The following HMGA1 variants were observed in gnomAD, a reference collection of about 807,000 sequenced individuals.
HMGA1 encodes high mobility group AT-hook 1.
HMGA1 carries 1 observed loss-of-function variant against 15.1 expected under a neutral mutation model. The ratio of observed to expected loss-of-function variants is 0.07; its 90% CI spans 0.02 to 0.31. HMGA1 has a LOEUF of 0.31. Among genes scored for constraint, HMGA1 ranks in the 10% least tolerant of loss-of-function variants. The pLI is 1.00. For missense variants in HMGA1, 94 were observed against 141.4 expected, an observed-to-expected ratio of 0.66 and a Z score of 1.70; for synonymous variants, 56 against 54.8, an observed-to-expected ratio of 1.02 and a Z score of -0.10.
intron 5 of HMGA1, among the ~76,000 whole-genome samples, chr6:34,244,241 G>A (rs528879503): frequency 6.6e-6 from 1 of 152,246 alleles, no homozygotes; most frequent in East Asian, 1.9e-4. Flanking sequence ...TTGTTTTGGA[G>A]TTTGTGCCTG....
intron 2 of HMGA1, 141 bp from the exon 3 acceptor site, chr6:34,240,596 C>T (rs1561872094): frequency 5.7e-6 from 4 of 701,906 alleles, no homozygotes; most frequent in Non-Finnish European, 7.4e-6. Flanking sequence ...TGGGCAGACC[C>T]CTCCATCCTG....
At chr6:34,242,553 A>T (rs570071461) in intron 3 of HMGA1, among the ~76,000 whole-genome samples, 159 bp from the exon 4 acceptor site, 1 of 152,298 alleles carries the variant, frequency 6.6e-6, no homozygotes, top group East Asian at 1.9e-4. Context: ...AAGATGCTCA[A>T]ACTGGAGCTT....
chr6:34,240,953 T>TTGG (rs1465434862), intron 3 of HMGA1, 38 bp downstream of exon 3: 2 of 1,612,636 alleles, frequency 1.2e-6, no homozygotes, highest in Non-Finnish European at 1.7e-6. Flanking sequence ...GGTTTACCCT[T>TTGG]TGGGGCTAGG....
At position 34,237,912 on chromosome 6, in the gene HMGA1, C is replaced by G. The variant is rs539612749; in HGVS notation, c.-45+595C>G. Among the ~76,000 whole-genome samples, 72 of 152,226 alleles carry G rather than the reference C, an allele frequency of 4.7e-4. No individual in the cohort carries two copies. The Middle Eastern group carries it at 0.014, about 29-fold the overall frequency. ...GCGGGCCTGGGTTTGGGGCTTCACC[C>G]CGACCCCACCTCTGGCCTGGCCCGC... is the stretch of plus-strand genomic sequence containing the variant. On this transcript the variant is annotated intron_variant, in intron 2 of 5. Transcript: ENST00000311487.
intron 3 of HMGA1, among the ~76,000 whole-genome samples, chr6:34,241,826 A>G (rs977839716): frequency 3.3e-5 from 5 of 152,206 alleles, no homozygotes; most frequent in African/African-American, 1.2e-4. Flanking sequence ...CCCTGTCCGT[A>G]CGGTGGAGAG....
chr6:34,240,584 G>A, intron 2 of HMGA1, 153 bp from the exon 3 acceptor site: 1 of 640,324 alleles, frequency 1.6e-6, no homozygotes, highest in Non-Finnish European at 2.8e-6. Flanking sequence ...AGCATCTGGG[G>A]GTGGGCAGAC....
chr6:34,245,856 AGTTGT>A lies in HMGA1; in HGVS notation c.*978_*982del, dbSNP rs1762705635. 6 of 333,030 alleles carry A rather than the reference AGTTGT, an allele frequency of 1.8e-5. No homozygotes were observed. The South Asian group carries it at 2.0e-4, about 11-fold the overall frequency. 20.6% of individuals were successfully genotyped at this position (333,030 alleles called of 1,614,324 possible). On this transcript the variant is annotated 3_prime_UTR_variant, in exon 6 of 6. Transcript: ENST00000311487. Reference sequence around the variant, plus strand: ...CTCTGTTCACAAACTACCTCTGGACAGTTGTGTTGTTTTTTGTTCAATGTTCCATT... The same window carrying A: ...CTCTGTTCACAAACTACCTCTGGACAGTTGTTTTTTGTTCAATGTTCCATT...
Position 34,237,284 on chromosome 6 carries a change from G to C in HMGA1, c.-78G>C, listed in dbSNP as rs982014458. On this transcript the variant is annotated 5_prime_UTR_variant, in exon 2 of 6. Transcript: ENST00000311487. ...CAGCACCGCCGCTCCCGGCAACCCG[G>C]AGCGCGCACCGCAGGCCGGCGGCCG... is the stretch of plus-strand genomic sequence containing the variant. 6.8e-6 allele frequency: 1 copy of C among 148,082 alleles called. No homozygotes were observed. Among genetic ancestry groups the C allele is most frequent in the African/African-American group, 2.4e-5 (1 of 40,914 alleles). The allele number at this position is 148,082 out of a possible 1,614,324, so 9.2% of individuals were successfully genotyped here.
chr6:34,239,618 A>AG (rs1212575886), intron 2 of HMGA1, among the ~76,000 whole-genome samples: 1 of 152,140 alleles, frequency 6.6e-6, no homozygotes, highest in Non-Finnish European at 1.5e-5. Flanking sequence ...CATGGCAGGC[A>AG]GGGATTGGTT....
rs1318506570 is a variant in HMGA1 at position 34,244,982 on chromosome 6, C to T, written c.*98C>T. The T allele has an allele frequency of 3.9e-6, 6 of 1,546,020 alleles. No individual in the cohort carries two copies. The highest frequency in any genetic ancestry group is 2.0e-5 in the Admixed American group (1 of 50,870). Reference sequence around the variant, plus strand: ...ACCGCCCCCACCCCTTCCCCAGGCCCACCATCACCACCGCCTCTGGCCGCC... The same window carrying T: ...ACCGCCCCCACCCCTTCCCCAGGCCTACCATCACCACCGCCTCTGGCCGCC... On this transcript the variant is annotated 3_prime_UTR_variant, in exon 6 of 6. Coordinates refer to ENST00000311487, the MANE Select transcript of HMGA1 (RefSeq NM_145899.3).
intron 2 of HMGA1, among the ~76,000 whole-genome samples, chr6:34,238,303 C>G (rs971814734): frequency 1.3e-5 from 2 of 152,090 alleles, no homozygotes; most frequent in East Asian, 1.9e-4. Flanking sequence ...CTGCAACGGC[C>G]GGGCGCAGAC....
chr6:34,237,771 G>GC (rs953303274), intron 2 of HMGA1, among the ~76,000 whole-genome samples: 6 of 151,462 alleles, frequency 4.0e-5, no homozygotes, highest in Non-Finnish European at 5.9e-5. Flanking sequence ...GGGGTCGGGC[G>GC]CCCCCCGCAG....
In HMGA1 at chr6:34,240,810, G is replaced by A. The variant is rs1241581274; in HGVS notation, c.30G>A (p.Gln10=). MSESSSKSS[Q]PLASKQEKDG... ...GTGAGTCGAGCTCGAAGTCCAGCCA[G>A]CCCTTGGCCTCCAAGCAGGAAAAGG... The change falls in exon 3 of 6, where the codon CAG becomes CAA. Residue 10 remains glutamine, a synonymous_variant. Transcript: ENST00000311487. The A allele has an allele frequency of 6.2e-7, 1 of 1,612,762 alleles. No homozygotes were observed. Among genetic ancestry groups the A allele is most frequent in the Non-Finnish European group, 8.5e-7 (1 of 1,179,900 alleles).
Position 34,243,484 on chromosome 6 carries a change from C to T in HMGA1, c.236C>T (p.Pro79Leu), listed in dbSNP as rs1404503518. 1.9e-6 allele frequency: 3 copies of T among 1,613,610 alleles called. No individual in the cohort carries two copies. The South Asian group carries it at 3.3e-5, about 18-fold the overall frequency. ...AAKTRKTTTT[P>L]GRKPRGRPKK... ...ACCCTCTAGAAAACCACCACAACTC[C>T]AGGAAGGAAACCAAGGGGCAGACCC... The change falls in exon 5 of 6, where the codon CCA becomes CTA. Residue 79 changes from proline to leucine, a missense_variant. Physicochemically the swap from Pro to Leu is moderately conservative, Grantham distance 98. Transcript: ENST00000311487.
chr6:34,238,701 C>G (rs910397936), intron 2 of HMGA1: 1 of 152,104 alleles, frequency 6.6e-6, no homozygotes, highest in Non-Finnish European at 1.5e-5. Context: ...TGTTCAGAAA[C>G]AGGTGGAAAA....
At position 34,245,592 on chromosome 6, in the gene HMGA1, G is replaced by A; in HGVS notation, c.*708G>A. 7.2e-7 allele frequency: 1 copy of A among 1,381,706 alleles called. No homozygotes were observed. The highest frequency in any genetic ancestry group is 9.6e-7 in the Non-Finnish European group (1 of 1,036,324). 85.6% of individuals were successfully genotyped at this position (1,381,706 alleles called of 1,614,324 possible). ...CCACAGCCCCCTTGCCCTCCGCCTGGGATCTGAGTACATATTGTGGTGATG... is the reference window on the plus strand; with the variant it reads ...CCACAGCCCCCTTGCCCTCCGCCTGAGATCTGAGTACATATTGTGGTGATG... On this transcript the variant is annotated 3_prime_UTR_variant, in exon 6 of 6. Transcript: ENST00000311487.
At chr6:34,237,813 G>A (rs1761927851) in intron 2 of HMGA1, among the ~76,000 whole-genome samples, 1 of 151,738 alleles carries the variant, frequency 6.6e-6, no homozygotes, top group Admixed American at 6.5e-5. Flanking sequence ...AGGGAGATGG[G>A]GAGGAACCCC....
rs775493074 is a variant in HMGA1, at chr6:34,242,798, G to A, written c.219+3G>A. 1.3e-6 allele frequency: 2 copies of A among 1,578,178 alleles called. No individual in the cohort carries two copies. The highest frequency in any genetic ancestry group is 1.2e-5 in the South Asian group (1 of 86,816). On this transcript the variant is annotated splice_donor_region_variant and intron_variant, in intron 4 of 5. Transcript: ENST00000311487. ...ACAAGGGTGCTGCCAAGACCCGGGTGAGACTTGAGATGGGACTACCCCTGG... is the reference window on the plus strand; with the variant it reads ...ACAAGGGTGCTGCCAAGACCCGGGTAAGACTTGAGATGGGACTACCCCTGG...
rs1406788864 is a variant in HMGA1, at chr6:34,242,720, C to T, written c.144C>T (p.Pro48=). 5 of 1,581,230 alleles carry T rather than the reference C, an allele frequency of 3.2e-6. No individual in the cohort carries two copies. In the African/African-American group the frequency reaches 6.7e-5, roughly 21 times the overall value. The change falls in exon 4 of 6, where the codon CCC becomes CCT. Residue 48 remains proline, a synonymous_variant. Transcript: ENST00000311487. Reference sequence around the variant, plus strand: ...CCCCTCTGTCTTTACAGAAGGAGCCCAGCGAAGTGCCAACACCTAAGAGAC... The same window carrying T: ...CCCCTCTGTCTTTACAGAAGGAGCCTAGCGAAGTGCCAACACCTAAGAGAC... ...GTALVGSQKE[P]SEVPTPKRPR...
Sources: gnomAD v4.1 joint callset for allele counts (sites outside exome capture counted in the v4.1 genomes callset) on GRCh38, gnomAD v4.1.1 for gene constraint, MANE v1.5 for transcripts, NCBI Gene and HGNC (gene_info 2026-07-23, HGNC 2026-07-21) for gene names.